Variants in DLG1 observed in about 807,000 individuals in gnomAD.
DLG1 encodes discs large MAGUK scaffold protein 1.
In DLG1, 42 loss-of-function variants were observed where a neutral mutation model predicts 123.4. The ratio of observed to expected loss-of-function variants is 0.34; its 90% confidence interval spans 0.27 to 0.44. The LOEUF (loss-of-function observed/expected upper bound fraction) is 0.44. Among genes scored for constraint, DLG1 ranks in the 20% least tolerant of loss-of-function variants. DLG1 has a pLI of 1.00. For synonymous variants in DLG1, 317 were observed against 356.2 expected (o/e 0.89, Z 1.24); for missense variants, 942 against 1,082.6 (o/e 0.87, Z 1.82).
intron 4 of DLG1, among the ~76,000 whole-genome samples, chr3:197,265,268 C>A (rs1466029843): frequency 6.6e-6 from 1 of 152,100 alleles, no homozygotes; most frequent in Non-Finnish European, 1.5e-5. Context: ...AGATAATTAA[C>A]AGTATTTTAG....
intron 3 of DLG1, among the ~76,000 whole-genome samples, chr3:197,290,875 G>A (rs1358583577): frequency 1.5e-5 from 2 of 130,862 alleles, no homozygotes; most frequent in Non-Finnish European, 3.1e-5. Flanking sequence ...GGGTGGCAGA[G>A]CAAGACCCTG....
intron 4 of DLG1, among the ~76,000 whole-genome samples, chr3:197,234,647 C>T (rs1446709227): frequency 1.3e-5 from 2 of 152,082 alleles, no homozygotes; most frequent in African/African-American, 4.8e-5. Flanking sequence ...ACAATACAAA[C>T]TGGGGGAACA....
rs1222451547 is a variant in DLG1 at position 197,142,785 on chromosome 3, A to G, written c.538-17T>C. 3.1e-6 allele frequency: 5 copies of G among 1,595,116 alleles called. No individual in the cohort carries two copies. In the Admixed American group the frequency reaches 7.3e-5, roughly 23 times the overall value. Reference sequence around the variant, plus strand: ...GCCATTAACCTACAGGGGAAAAGAAAAGCAGCTCAGAAACTTCAGAGTGTA... The same window carrying G: ...GCCATTAACCTACAGGGGAAAAGAAGAGCAGCTCAGAAACTTCAGAGTGTA... On this transcript the variant is annotated splice_polypyrimidine_tract_variant and intron_variant, in intron 6 of 24. Coordinates refer to ENST00000667157, the MANE Select transcript of DLG1 (RefSeq NM_001366207.1).
At chr3:197,117,247 C>T (rs2081633) in intron 12 of DLG1, among the ~76,000 whole-genome samples, 3,631 of 152,226 alleles carry the variant, frequency 0.024, 208 homozygotes, top group Admixed American at 0.12. Context: ...GAATATAAAA[C>T]GGTGCAGGCA....
chr3:197,103,151 G>A (rs1044414123), intron 14 of DLG1, among the ~76,000 whole-genome samples: 3 of 152,070 alleles, frequency 2.0e-5, no homozygotes, highest in African/African-American at 7.2e-5. Context: ...CTTTCCGTGT[G>A]GCTTCTGCAA....
intron 5 of DLG1, among the ~76,000 whole-genome samples, chr3:197,189,529 G>A (rs1718078942): frequency 1.3e-5 from 2 of 152,286 alleles, no homozygotes; most frequent in East Asian, 1.9e-4. Context: ...CAGACAGCCA[G>A]CAAACCAAAG....
At chr3:197,077,067 T>G (rs1299447620) in intron 17 of DLG1, among the ~76,000 whole-genome samples, 2 of 152,300 alleles carry the variant, frequency 1.3e-5, no homozygotes, top group East Asian at 3.9e-4. Flanking sequence ...ACTTTGCTGC[T>G]CAATTACATT....
chr3:197,089,017 C>T (rs1179473730), intron 15 of DLG1, among the ~76,000 whole-genome samples: 1 of 152,082 alleles, frequency 6.6e-6, no homozygotes, highest in Non-Finnish European at 1.5e-5. Context: ...TCTCATCTAC[C>T]ATGGTTGTAA....
chr3:197,147,138 AAATAGATGTT>A (rs1791202115), intron 6 of DLG1, among the ~76,000 whole-genome samples: 1 of 152,204 alleles, frequency 6.6e-6, no homozygotes, highest in South Asian at 2.1e-4. Context: ...AAATAAAAAA[AAATAGATGTT>A]GGCGTGGATG....
chr3:197,193,192 C>T (rs988585946), intron 5 of DLG1, among the ~76,000 whole-genome samples: 2 of 151,610 alleles, frequency 1.3e-5, no homozygotes, highest in Non-Finnish European at 2.9e-5. Flanking sequence ...AAATACAAAT[C>T]AATAAAAAGA....
chr3:197,072,367 C>T (rs1375228188), intron 18 of DLG1, among the ~76,000 whole-genome samples: 1 of 97,534 alleles, frequency 1.0e-5, no homozygotes, highest in African/African-American at 2.7e-5. Context: ...CATACATTTA[C>T]TTGTAATACA....
Position 197,059,972 on chromosome 3 carries a change from A to G in DLG1, c.2400T>C (p.Ser800=), listed in dbSNP as rs546029644. The G allele has an allele frequency of 2.6e-4, 424 of 1,613,796 alleles. 7 individuals carry two copies. In the South Asian group the frequency reaches 4.5e-3, roughly 17 times the overall value. ...EKGKHCILDV[S]GNAIKRLQIA... ...TCTGTAATCTCTTTATGGCATTTCC[A>G]GACACATCAAGGATACAGTGTTTGC... Residue 800 remains serine, a synonymous_variant, in exon 23 of 25, where the codon TCT becomes TCC. Transcript: ENST00000667157.
At chr3:197,214,995 G>A (rs1040046663) in intron 4 of DLG1, among the ~76,000 whole-genome samples, 1 of 152,062 alleles carries the variant, frequency 6.6e-6, no homozygotes, top group Non-Finnish European at 1.5e-5. Flanking sequence ...TCTAATACAG[G>A]TAAAAACATA....
chr3:197,085,217 T>G (rs189231075), intron 16 of DLG1: 7 of 186,528 alleles, frequency 3.8e-5, no homozygotes, highest in Non-Finnish European at 7.8e-5. Context: ...TGCCTTTTTT[T>G]GGGGGGTAAG....
chr3:197,290,191 G>C (rs1774136409), intron 3 of DLG1, among the ~76,000 whole-genome samples: 2 of 152,114 alleles, frequency 1.3e-5, no homozygotes, highest in Admixed American at 1.3e-4. Flanking sequence ...GCAAGTTCAT[G>C]AAAGACACGG....
At chr3:197,097,039 C>T (rs1026187915) in intron 14 of DLG1, among the ~76,000 whole-genome samples, 2 of 152,190 alleles carry the variant, frequency 1.3e-5, no homozygotes, top group Non-Finnish European at 1.5e-5. Flanking sequence ...TGACCTCAGA[C>T]ACTGTGAGAT....
At chr3:197,128,731 A>T (rs1379495330) in intron 11 of DLG1, among the ~76,000 whole-genome samples, 1 of 152,242 alleles carries the variant, frequency 6.6e-6, no homozygotes, top group Non-Finnish European at 1.5e-5. Flanking sequence ...AGAGTGGATG[A>T]CAAGTTAGTA....
chr3:197,113,492 T>G (rs1341782650), intron 13 of DLG1, among the ~76,000 whole-genome samples: 1 of 152,224 alleles, frequency 6.6e-6, no homozygotes, highest in Admixed American at 6.5e-5. Flanking sequence ...TTCTCGCTGC[T>G]TTTATAATTA....
intron 23 of DLG1, among the ~76,000 whole-genome samples, chr3:197,058,979 G>A (rs1733865562): frequency 6.6e-6 from 1 of 152,198 alleles, no homozygotes; most frequent in Non-Finnish European, 1.5e-5. Flanking sequence ...AGGCTGGAGT[G>A]CAGTGGCGAG....
Sources: allele counts gnomAD v4.1 joint callset (sites outside exome capture counted in the v4.1 genomes callset), GRCh38; gene constraint gnomAD v4.1.1; transcripts MANE v1.5; gene names NCBI Gene and HGNC (gene_info 2026-07-23, HGNC 2026-07-21).